The following NGDN variants were observed in gnomAD, a reference collection of about 807,000 sequenced individuals.
NGDN encodes the protein EIF4E-binding protein.
NGDN carries 41 observed loss-of-function variants against 45.2 expected under a neutral mutation model. The ratio of observed to expected loss-of-function variants is 0.91; its 90% CI spans 0.71 to 1.18. The LOEUF (loss-of-function observed/expected upper bound fraction) is 1.18. Ranked by LOEUF, NGDN falls within the 50% of genes most tolerant of loss-of-function variation. The pLI is 0.00. For missense variants in NGDN, 402 were observed against 399.9 expected, an observed-to-expected ratio of 1.01 and a Z score of -0.05; for synonymous variants, 137 against 130.9, an observed-to-expected ratio of 1.05 and a Z score of -0.32.
intron 9 of NGDN, 45 bp from the exon 10 acceptor site, chr14:23,477,458 C>G (rs866995776): frequency 2.5e-6 from 4 of 1,613,574 alleles, no homozygotes; most frequent in East Asian, 2.2e-5. Flanking sequence ...GATGCTGGCT[C>G]TCAGAACCAC....
At position 23,477,576 on chromosome 14, in the gene NGDN, G is replaced by A. The variant is rs1893933573; in HGVS notation, c.928+16G>A. ...AAGAAAAAAGGTCAGTGAACTGCTGGGACTTAGGTGATCAGGTGCAAGGTG... is the reference window on the plus strand; with the variant it reads ...AAGAAAAAAGGTCAGTGAACTGCTGAGACTTAGGTGATCAGGTGCAAGGTG... On this transcript the variant is annotated intron_variant, in intron 10 of 10. Transcript: ENST00000408901. 1 of 1,613,978 alleles carries A rather than the reference G, an allele frequency of 6.2e-7. No individual in the cohort carries two copies. The highest frequency in any genetic ancestry group is 8.5e-7 in the Non-Finnish European group (1 of 1,179,960).
At chr14:23,472,481 C>T (rs1893804822) in intron 3 of NGDN, among the ~76,000 whole-genome samples, 1 of 152,108 alleles carries the variant, frequency 6.6e-6, no homozygotes, top group Admixed American at 6.6e-5. Context: ...GCCTGGGCAG[C>T]AGAGCAAGAC....
chr14:23,471,044 T>A, intron 3 of NGDN, 67 bp downstream of exon 3: 3 of 1,063,404 alleles, frequency 2.8e-6, no homozygotes, highest in Non-Finnish European at 4.0e-6. Context: ...CATTGTATGT[T>A]TATTGTGTCT....
At chr14:23,476,524 A>G (rs185798030) in intron 8 of NGDN, 117 bp downstream of exon 8, 2 of 1,002,396 alleles carry the variant, frequency 2.0e-6, no homozygotes, top group African/African-American at 1.6e-5. Flanking sequence ...AAATGGAGTG[A>G]AAACTTTGGG....
chr14:23,470,990 CA>C lies in NGDN; in HGVS notation c.144+16del. On this transcript the variant is annotated intron_variant, in intron 3 of 10. Transcript: ENST00000408901. ...TCCTACAGAAAAGGTAAGATGTACT[CA>C]AACAGTAAGCATCCCCTGACTTAAT... The C allele has an allele frequency of 6.7e-7, 1 of 1,502,906 alleles. No individual in the cohort carries two copies. The highest frequency in any genetic ancestry group is 8.9e-7 in the Non-Finnish European group (1 of 1,124,424). The allele number at this position is 1,502,906 out of a possible 1,614,324, so 93.1% of individuals were successfully genotyped here. A position where few individuals can be genotyped will look rare whatever the true frequency, so the allele number is the denominator to read the frequency against.
intron 2 of NGDN, 131 bp from the exon 3 acceptor site, chr14:23,470,775 A>G (rs1307264995): frequency 8.8e-6 from 5 of 566,598 alleles, no homozygotes; most frequent in Non-Finnish European, 1.2e-5. Flanking sequence ...CCGAGAAGTG[A>G]GAAGATAGTA....
At chr14:23,475,375 T>C (rs1007885565) in intron 4 of NGDN, 67 bp downstream of exon 4, 1 of 1,480,918 alleles carries the variant, frequency 6.8e-7, no homozygotes, top group African/African-American at 1.4e-5. Flanking sequence ...TATCACACAG[T>C]AGCTCTCATT....
chr14:23,469,731 A>C lies in NGDN; in HGVS notation c.12+4A>C, dbSNP rs771809304. On this transcript the variant is annotated splice_donor_region_variant and intron_variant, in intron 1 of 10. Coordinates refer to ENST00000408901, the MANE Select transcript of NGDN (RefSeq NM_001042635.2). ...CTTTGCGAAGATGGCGGCGCTGGTG[A>C]GTTTGGTGTGGTTTCTTCCTCGCGT... The C allele has an allele frequency of 6.2e-7, 1 of 1,614,076 alleles. No homozygotes were observed. Among genetic ancestry groups the C allele is most frequent in the Non-Finnish European group, 8.5e-7 (1 of 1,179,994 alleles).
rs562036817 is a variant in NGDN, at chr14:23,477,788, C to G, written c.929-219C>G. On this transcript the variant is annotated intron_variant, in intron 10 of 10. Transcript: ENST00000408901. ...CCTCTAAGGTCCCACAGCTCCTGTT[C>G]AGGCTTCCCTAAATAGAACTGGTAA... The G allele has an allele frequency of 2.3e-5, 34 of 1,456,110 alleles. 1 individual carries two copies. The East Asian group carries it at 4.7e-4, about 20-fold the overall frequency. The allele number at this position is 1,456,110 out of a possible 1,614,324, so 90.2% of individuals were successfully genotyped here.
chr14:23,477,781 T>A, intron 10 of NGDN: 2 of 1,455,996 alleles, frequency 1.4e-6, no homozygotes, highest in Non-Finnish European at 9.0e-7. Flanking sequence ...GTCCCACAGC[T>A]CCTGTTCAGG....
At chr14:23,469,818 G>C (rs1232761465) in intron 1 of NGDN, 91 bp downstream of exon 1, 2 of 1,538,086 alleles carry the variant, frequency 1.3e-6, no homozygotes, top group African/African-American at 1.4e-5. Flanking sequence ...TACCAGGGAA[G>C]GGTGGTGATG....
intron 2 of NGDN, 28 bp downstream of exon 2, chr14:23,470,129 T>C: frequency 1.2e-6 from 2 of 1,601,054 alleles, no homozygotes; most frequent in South Asian, 2.2e-5. Flanking sequence ...TGGAATAAAT[T>C]AGTCACGGAT....
At chr14:23,469,900 G>C (rs1893732094) in intron 1 of NGDN, 142 bp from the exon 2 acceptor site, 1 of 1,251,066 alleles carries the variant, frequency 8.0e-7, no homozygotes, top group Middle Eastern at 2.2e-4. Context: ...CTGGCTTTAA[G>C]GCGAGTCTGT....
intron 3 of NGDN, among the ~76,000 whole-genome samples, chr14:23,473,552 T>C (rs11622733): frequency 0.77 from 117,386 of 151,906 alleles, 45,639 homozygotes; most frequent in Non-Finnish European, 0.83. Context: ...GTTGGCCTGG[T>C]GCAGTGGGTC....
At chr14:23,472,310 A>C (rs1893800015) in intron 3 of NGDN, among the ~76,000 whole-genome samples, 1 of 152,080 alleles carries the variant, frequency 6.6e-6, no homozygotes, top group Non-Finnish European at 1.5e-5. Flanking sequence ...AGCCTGGTCA[A>C]CATGGCAAAA....
intron 2 of NGDN, 34 bp downstream of exon 2, chr14:23,470,135 C>T: frequency 3.1e-6 from 5 of 1,592,372 alleles, no homozygotes; most frequent in African/African-American, 1.3e-5. Context: ...AAATTAGTCA[C>T]GGATTGGCTT....
At position 23,477,640 on chromosome 14, in the gene NGDN, G is replaced by T. The variant is rs965766844; in HGVS notation, c.928+80G>T. 1.9e-6 allele frequency: 3 copies of T among 1,594,948 alleles called. No individual in the cohort carries two copies. In the African/African-American group the frequency reaches 4.0e-5, roughly 21 times the overall value. On this transcript the variant is annotated intron_variant, in intron 10 of 10. Coordinates refer to ENST00000408901, the MANE Select transcript of NGDN (RefSeq NM_001042635.2). ...GAGTCTCTTTGGATTTGCCATTCTGGGTCTCACCAAGCCCTGTAGTATCTC... is the reference window on the plus strand; with the variant it reads ...GAGTCTCTTTGGATTTGCCATTCTGTGTCTCACCAAGCCCTGTAGTATCTC...
At chr14:23,472,449 G>T (rs189972424) in intron 3 of NGDN, among the ~76,000 whole-genome samples, 7 of 151,834 alleles carry the variant, frequency 4.6e-5, no homozygotes, top group Admixed American at 4.6e-4. Flanking sequence ...GCAGTGAGCC[G>T]TGATCATGCC....
chr14:23,476,139 T>G lies in NGDN; in HGVS notation c.531T>G (p.Val177=), dbSNP rs1893896778. The G allele has an allele frequency of 1.2e-6, 2 of 1,614,038 alleles. No individual in the cohort carries two copies. The highest frequency in any genetic ancestry group is 1.3e-5 in the African/African-American group (1 of 74,922). Residue 177 remains valine (V), a synonymous_variant, in exon 7 of 11, where the codon GTT becomes GTG. Coordinates refer to ENST00000408901, the MANE Select transcript of NGDN (RefSeq NM_001042635.2). ...VSKKYVPPRL[V]PVHYDETEAE... The stretch of plus-strand genomic sequence containing the variant: ...AGAAATATGTTCCTCCACGCTTGGT[T>G]CCAGTACATTATGGTATAAACTTTG...
Sources: gnomAD v4.1 joint callset for allele counts (sites outside exome capture counted in the v4.1 genomes callset) on GRCh38, gnomAD v4.1.1 for gene constraint, MANE v1.5 for transcripts, NCBI Gene and HGNC (gene_info 2026-07-23, HGNC 2026-07-21) for gene names.